Variants in ZBTB40 observed in about 807,000 individuals in gnomAD.
The protein encoded by ZBTB40 is zinc finger and BTB domain containing 40.
ZBTB40 carries 60 observed loss-of-function variants against 117.5 expected under a neutral mutation model. The ratio of observed to expected loss-of-function variants is 0.51; its 90% confidence interval spans 0.41 to 0.63. ZBTB40 has a LOEUF of 0.63. ZBTB40 is among the 30% of genes least tolerant of loss of function. ZBTB40 has a pLI of 0.00. For synonymous variants in ZBTB40, 525 were observed against 577.1 expected, an observed-to-expected ratio of 0.91 and a Z score of 1.29; for missense variants, 1,287 against 1,498.5, an observed-to-expected ratio of 0.86 and a Z score of 2.33.
chr1:22,510,276 A>G (rs1243645598), intron 9 of ZBTB40, among the ~76,000 whole-genome samples: 1 of 152,350 alleles, frequency 6.6e-6, no homozygotes, highest in Admixed American at 6.5e-5. Context: ...CTCTCTGTGC[A>G]GGTGACAGCC....
chr1:22,505,925 C>G, intron 5 of ZBTB40, 124 bp from the exon 6 acceptor site: 1 of 931,436 alleles, frequency 1.1e-6, no homozygotes, highest in Non-Finnish European at 1.8e-6. Context: ...ATGCTAGAGA[C>G]CAACAGAAGA....
At chr1:22,462,708 G>A (rs753276605) in intron 1 of ZBTB40, among the ~76,000 whole-genome samples, 3 of 152,210 alleles carry the variant, frequency 2.0e-5, no homozygotes, top group Non-Finnish European at 2.9e-5. Context: ...AATTTTTAAT[G>A]AGTTTAAGGT....
At chr1:22,436,494 A>G (rs572556455) in intron 1 of ZBTB40, among the ~76,000 whole-genome samples, 55 of 152,314 alleles carry the variant, frequency 3.6e-4, no homozygotes, top group African/African-American at 1.3e-3. Context: ...CATGGGCAAC[A>G]AGAGTGAAAC....
chr1:22,516,310 G>A (rs1036639323), intron 12 of ZBTB40, among the ~76,000 whole-genome samples: 8 of 152,154 alleles, frequency 5.3e-5, no homozygotes, highest in Non-Finnish European at 1.2e-4. Flanking sequence ...ACAAATAGTG[G>A]CCTATTTGAT....
intron 1 of ZBTB40, among the ~76,000 whole-genome samples, chr1:22,476,298 C>T (rs1262537979): frequency 6.6e-6 from 1 of 152,188 alleles, no homozygotes; most frequent in Non-Finnish European, 1.5e-5. Context: ...CAGCTCACTG[C>T]AACCTCTGCC....
chr1:22,431,261 T>TATATTCAATATATACA (rs1640578659), intron 1 of ZBTB40, among the ~76,000 whole-genome samples: 1 of 146,728 alleles, frequency 6.8e-6, no homozygotes, highest in Non-Finnish European at 1.5e-5. Context: ...CAATATTGTA[T>TATATTCAATATATACA]ATATTGAATA....
At chr1:22,508,227 A>G (rs1481993812) in intron 7 of ZBTB40, 90 bp downstream of exon 7, 1 of 1,438,098 alleles carries the variant, frequency 7.0e-7, no homozygotes, top group Non-Finnish European at 9.5e-7. Context: ...TATTTTCTGT[A>G]AATATACATA....
chr1:22,504,335 G>GA (rs897339881), intron 5 of ZBTB40, among the ~76,000 whole-genome samples: 8 of 151,792 alleles, frequency 5.3e-5, no homozygotes, highest in African/African-American at 1.2e-4. Context: ...ACTGGAAACA[G>GA]AAAAAAAAGG....
At chr1:22,492,636 T>G (rs1163322800) in intron 3 of ZBTB40, among the ~76,000 whole-genome samples, 3 of 152,220 alleles carry the variant, frequency 2.0e-5, no homozygotes, top group Non-Finnish European at 2.9e-5. Context: ...AATTAAATGT[T>G]TTCCTGATTC....
intron 16 of ZBTB40, 117 bp from the exon 17 acceptor site, chr1:22,524,101 G>A (rs1639611173): frequency 6.2e-6 from 6 of 965,212 alleles, no homozygotes; most frequent in South Asian, 4.1e-5. Flanking sequence ...ATGTGGATCC[G>A]CCTCCAAGCC....
At chr1:22,518,463 G>T (rs138715346) in intron 13 of ZBTB40, among the ~76,000 whole-genome samples, 188 of 152,248 alleles carry the variant, frequency 1.2e-3, no homozygotes, top group African/African-American at 3.7e-3. Flanking sequence ...TTGGTGACAA[G>T]AGCAACCCTC....
intron 3 of ZBTB40, among the ~76,000 whole-genome samples, chr1:22,501,156 G>GA (rs563010119): frequency 2.7e-4 from 40 of 150,220 alleles, no homozygotes; most frequent in Non-Finnish European, 3.9e-4. Flanking sequence ...TCTAGTAGGA[G>GA]AAAAAAAAAA....
At chr1:22,518,941 T>C (rs1490676911) in intron 13 of ZBTB40, among the ~76,000 whole-genome samples, 2 of 152,346 alleles carry the variant, frequency 1.3e-5, no homozygotes, top group East Asian at 3.9e-4. Context: ...AGACCCAGAA[T>C]ACTTTGCCAT....
intron 1 of ZBTB40, among the ~76,000 whole-genome samples, chr1:22,463,224 G>A (rs1389924082): frequency 2.6e-5 from 4 of 152,118 alleles, no homozygotes; most frequent in South Asian, 2.1e-4. Flanking sequence ...GAGCCTGCGC[G>A]CCACACCTTT....
intron 1 of ZBTB40, among the ~76,000 whole-genome samples, chr1:22,475,065 C>T (rs185343358): frequency 1.3e-3 from 192 of 152,148 alleles, no homozygotes; most frequent in African/African-American, 4.4e-3. Flanking sequence ...AATCGAAGAC[C>T]TTGATCAAGA....
chr1:22,522,693 T>C (rs775134261), intron 16 of ZBTB40, among the ~76,000 whole-genome samples: 1 of 152,208 alleles, frequency 6.6e-6, no homozygotes, highest in African/African-American at 2.4e-5. Flanking sequence ...GTCATTGTTA[T>C]TGCTATACTC....
intron 1 of ZBTB40, among the ~76,000 whole-genome samples, chr1:22,430,993 A>G (rs540742518): frequency 6.6e-6 from 1 of 152,096 alleles, no homozygotes; most frequent in Admixed American, 6.5e-5. Context: ...AATAATTTGT[A>G]TTCTGGGTTT....
chr1:22,512,307 C>G (rs1639261896), intron 11 of ZBTB40, among the ~76,000 whole-genome samples, 173 bp downstream of exon 11: 1 of 152,120 alleles, frequency 6.6e-6, no homozygotes, highest in South Asian at 2.1e-4. Flanking sequence ...GGAATCAGCC[C>G]CCGAGCTTTG....
At chr1:22,517,666 C>G in intron 13 of ZBTB40, 1 of 637,976 alleles carries the variant, frequency 1.6e-6, no homozygotes, top group Non-Finnish European at 2.5e-6. Flanking sequence ...ACGCTTATTT[C>G]TCTCTGGCCA....
Sources: allele counts gnomAD v4.1 joint callset (sites outside exome capture counted in the v4.1 genomes callset), GRCh38; gene constraint gnomAD v4.1.1; transcripts MANE v1.5; gene names NCBI Gene and HGNC (gene_info 2026-07-23, HGNC 2026-07-21).